NALF1: variants seen among roughly 807,000 people sequenced by gnomAD.
NALF1 encodes family with sequence similarity 155 member A.
In NALF1, 3 loss-of-function variants were observed where a neutral mutation model predicts 48.4. The ratio of observed to expected loss-of-function variants is 0.06; its 90% CI spans 0.03 to 0.16. NALF1 has a LOEUF of 0.16. Ranked by LOEUF, NALF1 falls within the 10% of genes least tolerant of loss-of-function variation. The pLI, the probability that NALF1 is intolerant of heterozygous loss-of-function variation, is 1.00. For missense variants in NALF1, 526 were observed against 571.5 expected (o/e 0.92, Z 0.81); for synonymous variants, 262 against 245.7 (o/e 1.07, Z -0.62).
intron 1 of NALF1, among the ~76,000 whole-genome samples, chr13:107,232,876 T>C (rs961703431): frequency 9.2e-5 from 14 of 152,186 alleles, no homozygotes; most frequent in African/African-American, 3.4e-4. Context: ...TCCAGATAAT[T>C]CCATGCAGTA....
At chr13:107,229,266 C>A (rs984713555) in intron 1 of NALF1, among the ~76,000 whole-genome samples, 13 of 152,028 alleles carry the variant, frequency 8.6e-5, no homozygotes, top group African/African-American at 2.9e-4. Flanking sequence ...ATGAGAAATA[C>A]ATGTTCATCT....
chr13:107,207,014 G>C (rs1006192048), intron 2 of NALF1, among the ~76,000 whole-genome samples: 1 of 152,106 alleles, frequency 6.6e-6, no homozygotes, highest in African/African-American at 2.4e-5. Flanking sequence ...AGTGAGAAAT[G>C]ATTGCATTTT....
chr13:107,291,579 G>GA (rs890055155), intron 1 of NALF1, among the ~76,000 whole-genome samples: 50 of 150,916 alleles, frequency 3.3e-4, no homozygotes, highest in Non-Finnish European at 4.4e-4. Context: ...TTGAAAATCT[G>GA]AAAAAAAAGG....
chr13:107,697,918 TCTC>T (rs1233374196), intron 1 of NALF1, among the ~76,000 whole-genome samples: 2 of 152,140 alleles, frequency 1.3e-5, no homozygotes, highest in Admixed American at 1.3e-4. Context: ...GGGGGAAAGT[TCTC>T]CTCACCTCTA....
At chr13:107,779,208 T>C (rs1369167609) in intron 1 of NALF1, among the ~76,000 whole-genome samples, 2 of 152,222 alleles carry the variant, frequency 1.3e-5, no homozygotes, top group African/African-American at 4.8e-5. Context: ...TGGATGTGTT[T>C]ACACCTGCAT....
chr13:107,578,809 T>G (rs993139196), intron 1 of NALF1, among the ~76,000 whole-genome samples: 1 of 152,220 alleles, frequency 6.6e-6, no homozygotes, highest in African/African-American at 2.4e-5. Context: ...CTATACTGTG[T>G]GTTGAAAATC....
Position 107,702,571 on chromosome 13 carries a change from T to C in NALF1, c.915+163111A>G, listed in dbSNP as rs148744798. Among the ~76,000 whole-genome samples the C allele has an allele frequency of 1.7e-4, 26 of 152,226 alleles. No individual in the cohort carries two copies. In the Middle Eastern group the frequency reaches 0.01, roughly 60 times the overall value. On this transcript the variant is annotated intron_variant, in intron 1 of 2. Transcript: ENST00000375915. ...CCAACTTTCATTTTAAGTTCAGGGG[T>C]ACATGTCAGGATGTGCAGGTTACAT...
At position 107,796,621 on chromosome 13, in the gene NALF1, G is replaced by A. The variant is rs563618532; in HGVS notation, c.915+69061C>T. 8.5e-5 allele frequency among the ~76,000 whole-genome samples: 13 copies of A among 152,092 alleles called. No homozygotes were observed. The South Asian group carries it at 1.2e-3, about 15-fold the overall frequency. ...CGCTGCTTTATTGATCCTTTGTGTCGTTCCCCTTCCCTGCATGTTGGTGTT... is the reference window on the plus strand; with the variant it reads ...CGCTGCTTTATTGATCCTTTGTGTCATTCCCCTTCCCTGCATGTTGGTGTT... On this transcript the variant is annotated intron_variant, in intron 1 of 2. Transcript: ENST00000375915.
chr13:107,851,799 CCCTTT>C (rs1219486107), intron 1 of NALF1, among the ~76,000 whole-genome samples: 1 of 140,016 alleles, frequency 7.1e-6, no homozygotes, highest in Non-Finnish European at 1.5e-5. Context: ...GCTTTACAGG[CCCTTT>C]CTTTTTTTTT....
At chr13:107,235,083 T>C (rs545498691) in intron 1 of NALF1, among the ~76,000 whole-genome samples, 1 of 152,302 alleles carries the variant, frequency 6.6e-6, no homozygotes, top group Admixed American at 6.5e-5. Flanking sequence ...TTTTACATTC[T>C]TTTTCTGTAT....
intron 1 of NALF1, among the ~76,000 whole-genome samples, chr13:107,373,748 G>A (rs952140422): frequency 6.6e-6 from 1 of 151,206 alleles, no homozygotes; most frequent in African/African-American, 2.4e-5. Context: ...TTTTGTTTTC[G>A]TTTTTTTTGG....
At chr13:107,740,197 T>C (rs2138543527) in intron 1 of NALF1, among the ~76,000 whole-genome samples, 1 of 152,332 alleles carries the variant, frequency 6.6e-6, no homozygotes, top group South Asian at 2.1e-4. Flanking sequence ...GCACAATTTA[T>C]ATCTGAGAAA....
intron 1 of NALF1, among the ~76,000 whole-genome samples, chr13:107,719,515 A>G (rs1436105711): frequency 6.6e-6 from 1 of 152,096 alleles, no homozygotes; most frequent in Non-Finnish European, 1.5e-5. Flanking sequence ...AAATTTATTT[A>G]TCCTTTCCTG....
chr13:107,700,788 A>G (rs1468941140), intron 1 of NALF1, among the ~76,000 whole-genome samples: 1 of 152,138 alleles, frequency 6.6e-6, no homozygotes, highest in Non-Finnish European at 1.5e-5. Flanking sequence ...AACAGCAGAA[A>G]AGCAAAACAA....
intron 2 of NALF1, among the ~76,000 whole-genome samples, chr13:107,208,160 G>A (rs147229084): frequency 6.6e-6 from 1 of 152,224 alleles, no homozygotes; most frequent in African/African-American, 2.4e-5. Context: ...ATATTTTCGA[G>A]CAATTTAAAC....
chr13:107,678,726 C>A (rs1054191661), intron 1 of NALF1, among the ~76,000 whole-genome samples: 1 of 152,124 alleles, frequency 6.6e-6, no homozygotes, highest in Admixed American at 6.5e-5. Flanking sequence ...GTCTTCACAA[C>A]GGGGCAGGAA....
chr13:107,713,073 C>G (rs1474452430), intron 1 of NALF1, among the ~76,000 whole-genome samples: 1 of 152,186 alleles, frequency 6.6e-6, no homozygotes, highest in Non-Finnish European at 1.5e-5. Flanking sequence ...AGAACGCCTT[C>G]CTGACCCACA....
At chr13:107,641,323 A>C (rs2138458601) in intron 1 of NALF1, among the ~76,000 whole-genome samples, 1 of 152,274 alleles carries the variant, frequency 6.6e-6, no homozygotes, top group South Asian at 2.1e-4. Context: ...ACAAGGAGTA[A>C]GTTCTAGTAT....
chr13:107,189,905 G>A (rs9558969), intron 2 of NALF1, among the ~76,000 whole-genome samples: 12,290 of 152,216 alleles, frequency 0.081, 523 homozygotes, highest in East Asian at 0.12. Context: ...ATAGATGTCT[G>A]TGTGTCTTCG....
Sources: gnomAD v4.1 joint callset for allele counts (sites outside exome capture counted in the v4.1 genomes callset) on GRCh38, gnomAD v4.1.1 for gene constraint, MANE v1.5 for transcripts, NCBI Gene and HGNC (gene_info 2026-07-23, HGNC 2026-07-21) for gene names.